Variants in GUCA1C observed in about 807,000 individuals in gnomAD.
GUCA1C encodes guanylate cyclase activator 1C.
Under a neutral mutation model 16.2 loss-of-function variants are expected in GUCA1C, and 15 were observed. The observed-to-expected ratio is 0.93, with a 90% CI of 0.62 to 1.43. The LOEUF is 1.43. Ranked by LOEUF, GUCA1C falls within the 40% of genes most tolerant of loss-of-function variation. The pLI is 0.00. For missense variants in GUCA1C, 275 were observed against 244.8 expected (o/e 1.12, Z -0.82); for synonymous variants, 78 against 85.4 (o/e 0.91, Z 0.48).
intron 3 of GUCA1C, among the ~76,000 whole-genome samples, chr3:108,913,171 T>C (rs1414453720): frequency 6.6e-6 from 1 of 151,932 alleles, no homozygotes; most frequent in Non-Finnish European, 1.5e-5. Flanking sequence ...TTACTTTTGG[T>C]TTCAATATTC....
intron 1 of GUCA1C, among the ~76,000 whole-genome samples, chr3:108,934,055 T>C (rs922601818): frequency 6.6e-6 from 1 of 152,144 alleles, no homozygotes; most frequent in African/African-American, 2.4e-5. Flanking sequence ...GAAACCATCA[T>C]CTTCAGCAAA....
chr3:108,925,848 A>G (rs1328938002), intron 1 of GUCA1C, among the ~76,000 whole-genome samples: 1 of 152,148 alleles, frequency 6.6e-6, no homozygotes, highest in Non-Finnish European at 1.5e-5. Context: ...GCACTTTGGG[A>G]GGCTGAGGCA....
chr3:108,928,473 TGA>T lies in GUCA1C; in HGVS notation c.205-7890_205-7889del, dbSNP rs879400890. 1.3e-4 allele frequency among the ~76,000 whole-genome samples: 20 copies of T among 152,356 alleles called. No homozygotes were observed. In the East Asian group the frequency reaches 3.9e-3, roughly 29 times the overall value. ...ATAAACTCCAGCTTATTATTTTTCA[TGA>T]GTTATGCCTTTAGCATTGTATCGAA... is the stretch of plus-strand genomic sequence containing the variant. On this transcript the variant is annotated intron_variant, in intron 1 of 3. Transcript: ENST00000261047.
At chr3:108,916,820 A>G (rs189376725) in intron 2 of GUCA1C, among the ~76,000 whole-genome samples, 16 of 152,306 alleles carry the variant, frequency 1.1e-4, no homozygotes, top group African/African-American at 2.9e-4. Flanking sequence ...CCTAACTCCA[A>G]GGTGATTAAA....
chr3:108,908,389 G>T (rs1007092898), intron 3 of GUCA1C, among the ~76,000 whole-genome samples, 180 bp from the exon 4 acceptor site: 1 of 148,894 alleles, frequency 6.7e-6, no homozygotes, highest in Non-Finnish European at 1.5e-5. Flanking sequence ...CACTGGTGGT[G>T]TTGCCAATGA....
chr3:108,920,474 C>T lies in GUCA1C; in HGVS notation c.316G>A (p.Gly106Ser), dbSNP rs200262890. Residue 106 changes from glycine (G) to serine (S), a missense_variant, in exon 2 of 4, where the codon GGT (glycine) becomes AGT (serine). By Grantham distance (56) the Gly-to-Ser change is moderately conservative (BLOSUM62 0). Transcript: ENST00000261047. ...YFKLYDADGN[G>S]SIDKNELLDM... ...AGTAGTTCATTTTTGTCAATAGAAC[C>T]ATTTCCATCAGCATCATACAGCTTA... 17 of 1,607,272 alleles carry T rather than the reference C, an allele frequency of 1.1e-5. No individual in the cohort carries two copies. The highest frequency in any genetic ancestry group is 1.4e-5 in the Non-Finnish European group (17 of 1,174,234).
intron 1 of GUCA1C, among the ~76,000 whole-genome samples, chr3:108,937,023 C>A (rs1029555783): frequency 5.3e-5 from 8 of 152,142 alleles, no homozygotes; most frequent in Admixed American, 5.2e-4. Context: ...GTTTAACTTT[C>A]AGCACCCCAT....
intron 1 of GUCA1C, among the ~76,000 whole-genome samples, chr3:108,950,803 G>A (rs779620817): frequency 1.3e-5 from 2 of 152,072 alleles, no homozygotes; most frequent in Non-Finnish European, 1.5e-5. Flanking sequence ...TTGACAGCAG[G>A]AGAAAAGACA....
chr3:108,918,815 G>A (rs1401733907), intron 2 of GUCA1C, among the ~76,000 whole-genome samples: 1 of 152,004 alleles, frequency 6.6e-6, no homozygotes, highest in African/African-American at 2.4e-5. Flanking sequence ...TATATAGAAA[G>A]TGTGTTCCTA....
chr3:108,918,371 G>A (rs1035469484), intron 2 of GUCA1C, among the ~76,000 whole-genome samples: 1 of 152,138 alleles, frequency 6.6e-6, no homozygotes, highest in Non-Finnish European at 1.5e-5. Flanking sequence ...CTGATCTATG[G>A]AAAACACCCT....
intron 1 of GUCA1C, among the ~76,000 whole-genome samples, chr3:108,931,096 A>G (rs1463232802): frequency 1.3e-5 from 2 of 152,316 alleles, no homozygotes; most frequent in Non-Finnish European, 2.9e-5. Context: ...GAATTTACCA[A>G]AGAGTCACAG....
chr3:108,938,236 T>A (rs1007286446), intron 1 of GUCA1C, among the ~76,000 whole-genome samples: 1 of 136,374 alleles, frequency 7.3e-6, no homozygotes, highest in Admixed American at 7.5e-5. Context: ...CTTTCAGTTA[T>A]TTTTCATAGC....
chr3:108,917,821 G>A (rs1185605370), intron 2 of GUCA1C, among the ~76,000 whole-genome samples: 1 of 152,074 alleles, frequency 6.6e-6, no homozygotes, highest in Non-Finnish European at 1.5e-5. Flanking sequence ...TGAGGTGGGC[G>A]GATCACGAGG....
intron 1 of GUCA1C, among the ~76,000 whole-genome samples, chr3:108,924,623 T>G (rs1336357278): frequency 1.3e-5 from 2 of 152,176 alleles, no homozygotes; most frequent in Non-Finnish European, 1.5e-5. Context: ...AGGTCCTTCC[T>G]GATTTTGGTA....
chr3:108,950,292 G>T (rs1946885039), intron 1 of GUCA1C, among the ~76,000 whole-genome samples: 1 of 152,146 alleles, frequency 6.6e-6, no homozygotes. Context: ...CCATTCATTT[G>T]CTGATGGGTA....
chr3:108,929,113 T>A (rs1377052254), intron 1 of GUCA1C, among the ~76,000 whole-genome samples: 1 of 152,224 alleles, frequency 6.6e-6, no homozygotes, highest in African/African-American at 2.4e-5. Context: ...ATTTCTTTTA[T>A]CAGAGTTTTG....
intron 1 of GUCA1C, among the ~76,000 whole-genome samples, chr3:108,951,566 T>C (rs1195535077): frequency 1.3e-5 from 2 of 152,228 alleles, no homozygotes; most frequent in African/African-American, 2.4e-5. Flanking sequence ...TCTAATTAAA[T>C]ATATGACTTT....
intron 2 of GUCA1C, 88 bp from the exon 3 acceptor site, chr3:108,916,302 G>T (rs1946511634): frequency 1.5e-6 from 2 of 1,299,756 alleles, no homozygotes; most frequent in South Asian, 1.4e-5. Context: ...ACAGAATTTG[G>T]GGATGTGTTG....
chr3:108,954,967 A>C (rs773852467), upstream of GUCA1C, among the ~76,000 whole-genome samples: 44 of 152,040 alleles, frequency 2.9e-4, no homozygotes, highest in Non-Finnish European at 5.6e-4. Flanking sequence ...CGATCTCCTG[A>C]CCTCATGATC....
Sources: allele counts gnomAD v4.1 joint callset (sites outside exome capture counted in the v4.1 genomes callset), GRCh38; gene constraint gnomAD v4.1.1; transcripts MANE v1.5; gene names NCBI Gene and HGNC (gene_info 2026-07-23, HGNC 2026-07-21).